NTRK3: variants seen among roughly 807,000 people sequenced by gnomAD.
NTRK3 encodes NT-3 growth factor receptor.
In NTRK3, 24 loss-of-function variants were observed where a neutral mutation model predicts 91.7. That is an observed-to-expected ratio of 0.26 (90% CI 0.19 to 0.37). NTRK3 has a LOEUF of 0.37. Among genes scored for constraint, NTRK3 ranks in the 10% least tolerant of loss-of-function variants. The probability of loss-of-function intolerance (pLI) is 1.00; values close to 1 mark genes in which losing one functional copy is unlikely to be tolerated. For missense variants in NTRK3, 880 were observed against 1,068.9 expected (o/e 0.82, Z 2.46); for synonymous variants, 483 against 404.0 (o/e 1.20, Z -2.34).
At chr15:87,942,443 C>G (rs954185164) in intron 14 of NTRK3, among the ~76,000 whole-genome samples, 5 of 152,176 alleles carry the variant, frequency 3.3e-5, no homozygotes, top group African/African-American at 9.7e-5. Flanking sequence ...TCTCCCACTG[C>G]GAGAAAATAG....
chr15:88,179,635 A>C (rs2046291731), intron 5 of NTRK3, among the ~76,000 whole-genome samples: 1 of 152,144 alleles, frequency 6.6e-6, no homozygotes, highest in Non-Finnish European at 1.5e-5. Context: ...GAGAAAACAC[A>C]CCCCATAAAG....
Position 88,153,780 on chromosome 15 carries a change from T to C in NTRK3, c.396-6377A>G, listed in dbSNP as rs2043621615. 2.0e-5 allele frequency among the ~76,000 whole-genome samples: 3 copies of C among 152,048 alleles called. No individual in the cohort carries two copies. In the South Asian group the frequency reaches 6.3e-4, roughly 32 times the overall value. ...ATCTCACATGGTAGAAGGGGCTAGCTAGCTCTCGGGGGCCTCTTTTATAGA... is the reference window on the plus strand; with the variant it reads ...ATCTCACATGGTAGAAGGGGCTAGCCAGCTCTCGGGGGCCTCTTTTATAGA... On this transcript the variant is annotated intron_variant, in intron 5 of 18. Coordinates refer to ENST00000394480, the Ensembl canonical transcript of NTRK3.
chr15:88,126,043 C>T (rs2053251947), intron 13 of NTRK3, among the ~76,000 whole-genome samples: 1 of 152,170 alleles, frequency 6.6e-6, no homozygotes, highest in Non-Finnish European at 1.5e-5. Flanking sequence ...TATCAGCAGT[C>T]AAAGCAAAAC....
chr15:88,231,351 T>C (rs1598081627), intron 3 of NTRK3, among the ~76,000 whole-genome samples: 1 of 152,124 alleles, frequency 6.6e-6, no homozygotes, highest in East Asian at 1.9e-4. Flanking sequence ...AGAGCTATTG[T>C]AGTTGCCTCC....
chr15:87,872,720 T>A (rs866566253), exon 19 of NTRK3: 1 of 232,632 alleles, frequency 4.3e-6, no homozygotes, highest in South Asian at 1.8e-4. Flanking sequence ...CACCAGGCCT[T>A]CTTTCATTGT....
At chr15:88,142,221 C>A (rs112461575) in intron 6 of NTRK3, among the ~76,000 whole-genome samples, 27 of 152,306 alleles carry the variant, frequency 1.8e-4, no homozygotes, top group African/African-American at 6.0e-4. Flanking sequence ...AGCAGGGGAG[C>A]CTTTAGCCAG....
intron 3 of NTRK3, among the ~76,000 whole-genome samples, chr15:88,204,307 T>TC (rs1346866457): frequency 6.6e-6 from 1 of 152,094 alleles, no homozygotes; most frequent in African/African-American, 2.4e-5. Flanking sequence ...GCATACTCTC[T>TC]CCCCTATTAC....
rs1011810416 is a variant in NTRK3 at position 88,240,953 on chromosome 15, C to G, written c.248+14953G>C. On this transcript the variant is annotated intron_variant, in intron 3 of 18. Transcript: ENST00000394480. This position sits in a 1 kb window ranked among gnomAD's most constrained non-coding sequence, Gnocchi z 4.9. The stretch of plus-strand genomic sequence containing the variant: ...TGGAGGCATGTGTGCCCTCAGCAAG[C>G]TGGGAGGGTTGCTGTGGGCCTGGGG... Among the ~76,000 whole-genome samples, 6 of 152,198 alleles carry G rather than the reference C, an allele frequency of 3.9e-5. No individual in the cohort carries two copies. Among genetic ancestry groups the G allele is most frequent in the African/African-American group, 1.4e-4 (6 of 41,446 alleles).
At chr15:88,254,952 G>A (rs2053856515) in intron 3 of NTRK3, among the ~76,000 whole-genome samples, 1 of 152,118 alleles carries the variant, frequency 6.6e-6, no homozygotes, top group Non-Finnish European at 1.5e-5. Flanking sequence ...CCCAGCCCTC[G>A]ATCTGTCCTC....
chr15:87,959,857 C>T (rs887103993), intron 14 of NTRK3, among the ~76,000 whole-genome samples: 1 of 152,238 alleles, frequency 6.6e-6, no homozygotes, highest in Non-Finnish European at 1.5e-5. Context: ...CCGTCAGTCT[C>T]TGGGACACTG....
In NTRK3 at chr15:87,949,958, A is replaced by G. The variant is rs76543741; in HGVS notation, c.1586-9205T>C. ...TCCTTCCTCTGCCTCTTCTGGCCTG[A>G]CAGTGACAAACCCTCTTCAAAGTGC... is the stretch of plus-strand genomic sequence containing the variant. On this transcript the variant is annotated intron_variant, in intron 14 of 18. Coordinates refer to ENST00000394480, the Ensembl canonical transcript of NTRK3. Among the ~76,000 whole-genome samples the G allele has an allele frequency of 4.6e-5, 7 of 152,156 alleles. No individual in the cohort carries two copies. The East Asian group carries it at 1.3e-3, about 29-fold the overall frequency.
chr15:87,968,840 A>G (rs1250929605), intron 14 of NTRK3, among the ~76,000 whole-genome samples: 4 of 152,192 alleles, frequency 2.6e-5, no homozygotes, highest in Non-Finnish European at 4.4e-5. Flanking sequence ...GTGAATTTCA[A>G]TTACCCATGC....
intron 13 of NTRK3, among the ~76,000 whole-genome samples, chr15:88,122,933 A>T (rs1567462199): frequency 6.6e-6 from 1 of 152,240 alleles, no homozygotes; most frequent in African/African-American, 2.4e-5. Context: ...AGGCTGAGTG[A>T]TCTGTGATTT....
At chr15:88,044,151 G>A (rs1490839858) in intron 13 of NTRK3, among the ~76,000 whole-genome samples, 1 of 151,952 alleles carries the variant, frequency 6.6e-6, no homozygotes, top group Admixed American at 6.6e-5. Context: ...GCTCAGTGAA[G>A]TGGGTCCTAT....
chr15:88,123,021 C>T (rs761486864), intron 13 of NTRK3, among the ~76,000 whole-genome samples: 2 of 152,008 alleles, frequency 1.3e-5, no homozygotes, highest in Admixed American at 6.5e-5. Flanking sequence ...CTGGGATTAG[C>T]GTATAATAAA....
chr15:87,991,638 A>G (rs1416230621), intron 14 of NTRK3, among the ~76,000 whole-genome samples: 2 of 152,180 alleles, frequency 1.3e-5, no homozygotes, highest in Non-Finnish European at 2.9e-5. Context: ...AATTCTCTAA[A>G]GTCATATCAT....
chr15:87,870,215 C>CACAA (rs2064790116), exon 19 of NTRK3: 1 of 184,924 alleles, frequency 5.4e-6, no homozygotes, highest in East Asian at 8.7e-5. Flanking sequence ...CACACACACA[C>CACAA]ACAAACATAT....
Position 88,233,487 on chromosome 15 carries a change from A to G in NTRK3, c.248+22419T>C, listed in dbSNP as rs2051394559. 6.6e-6 allele frequency among the ~76,000 whole-genome samples: 1 copy of G among 152,138 alleles called. No individual in the cohort carries two copies. The highest frequency in any genetic ancestry group is 1.5e-5 in the Non-Finnish European group (1 of 68,026). ...AAGTTAGCACACTGAAACCACAGTT[A>G]GCATCCTCGAAAGAGCAAATCCCAA... On this transcript the variant is annotated intron_variant, in intron 3 of 18. Coordinates refer to ENST00000394480, the Ensembl canonical transcript of NTRK3. This position sits in a 1 kb window ranked among gnomAD's most constrained non-coding sequence, Gnocchi z 4.2.
chr15:88,161,813 A>G (rs2044480149), intron 5 of NTRK3, among the ~76,000 whole-genome samples: 1 of 152,134 alleles, frequency 6.6e-6, no homozygotes, highest in African/African-American at 2.4e-5. Context: ...TGAGCTGCTC[A>G]TGAGTCCCAC....
Sources: allele counts gnomAD v4.1 joint callset (sites outside exome capture counted in the v4.1 genomes callset), GRCh38; gene constraint gnomAD v4.1.1; non-coding constraint Gnocchi (gnomAD v3.1); transcripts MANE v1.5; gene names NCBI Gene and HGNC (gene_info 2026-07-23, HGNC 2026-07-21).